Variants in ROBO2 observed in about 807,000 individuals in gnomAD.
ROBO2 encodes the protein roundabout guidance receptor 2.
ROBO2 carries 53 observed loss-of-function variants against 160.8 expected under a neutral mutation model. The ratio of observed to expected loss-of-function variants is 0.33; its 90% CI spans 0.26 to 0.41. The LOEUF (loss-of-function observed/expected upper bound fraction) is 0.41, where lower values mean the gene tolerates loss of function less well. ROBO2 is among the 10% of genes least tolerant of loss of function. The pLI, the probability that ROBO2 is intolerant of heterozygous loss-of-function variation, is 1.00. For missense variants in ROBO2, 1,577 were observed against 1,722.4 expected (o/e 0.92, Z 1.49); for synonymous variants, 664 against 611.7 (o/e 1.09, Z -1.26).
intron 2 of ROBO2, among the ~76,000 whole-genome samples, chr3:76,003,518 T>C (rs1010807988): frequency 6.6e-6 from 1 of 152,212 alleles, no homozygotes; most frequent in Non-Finnish European, 1.5e-5. Flanking sequence ...AAAAACAGTT[T>C]CCATATGTGC....
At chr3:77,455,020 TG>T (rs1175399624) in intron 2 of ROBO2, among the ~76,000 whole-genome samples, 1 of 152,210 alleles carries the variant, frequency 6.6e-6, no homozygotes, top group African/African-American at 2.4e-5. Context: ...AGTAGTTTGT[TG>T]TTGCTGATAT....
At chr3:76,459,374 A>G (rs993463960) in intron 2 of ROBO2, among the ~76,000 whole-genome samples, 2 of 152,212 alleles carry the variant, frequency 1.3e-5, no homozygotes, top group African/African-American at 4.8e-5. Context: ...TGAGTGGCAA[A>G]AAGAATTTAT....
rs139915516 is a variant in ROBO2, at chr3:76,485,633, T to G, written c.109+548031T>G. ...TTTGAGAAATAGGTGTCACCTGTTT[T>G]TTTCAGAGCAAAGGCTATACATCTC... On this transcript the variant is annotated intron_variant, in intron 2 of 26. Transcript: ENST00000487694. 1.2e-3 allele frequency among the ~76,000 whole-genome samples: 183 copies of G among 152,302 alleles called. 1 individual carries two copies. The highest frequency in any genetic ancestry group is 2.3e-3 in the Non-Finnish European group (156 of 68,028).
chr3:77,012,739 C>T (rs1352419036), intron 2 of ROBO2, among the ~76,000 whole-genome samples: 3 of 152,050 alleles, frequency 2.0e-5, no homozygotes, highest in African/African-American at 7.2e-5. Flanking sequence ...GTTGTCAGAC[C>T]CTGGCACAGA....
At chr3:77,010,876 TCCTC>T (rs1299856902) in intron 2 of ROBO2, among the ~76,000 whole-genome samples, 1 of 120,886 alleles carries the variant, frequency 8.3e-6, no homozygotes, top group African/African-American at 3.0e-5. Flanking sequence ...CTACCTTCCT[TCCTC>T]CCTCCCTCCC....
At chr3:76,921,582 A>G (rs1402739344) in intron 2 of ROBO2, among the ~76,000 whole-genome samples, 1 of 152,220 alleles carries the variant, frequency 6.6e-6, no homozygotes, top group Non-Finnish European at 1.5e-5. Flanking sequence ...ATTGCACTCC[A>G]GCCTGGGTGA....
intron 2 of ROBO2, among the ~76,000 whole-genome samples, chr3:77,160,264 A>G (rs1285568473): frequency 1.3e-5 from 2 of 152,194 alleles, no homozygotes; most frequent in African/African-American, 2.4e-5. Context: ...TACTTTACAT[A>G]TGGTAGCATT....
rs9823370 is a variant in ROBO2, at chr3:77,315,686, C to T, written c.389-161728C>T. Among the ~76,000 whole-genome samples the T allele has an allele frequency of 2.6e-3, 401 of 152,186 alleles. 1 individual carries two copies. The highest frequency in any genetic ancestry group is 9.2e-3 in the African/African-American group (382 of 41,526). The stretch of plus-strand genomic sequence containing the variant: ...TCCAATGTTTTTGCAAGTTTCTTGG[C>T]CTTCCCTACGTAATTGGCTACATGG... On this transcript the variant is annotated intron_variant, in intron 2 of 25. Transcript: ENST00000461745.
Position 76,722,645 on chromosome 3 carries a change from A to T in ROBO2, c.110-375369A>T, listed in dbSNP as rs116530614. On this transcript the variant is annotated intron_variant, in intron 2 of 26. Coordinates refer to the ROBO2 transcript ENST00000487694. ...CCTCAGGCTGGCCCCAGGGTCAATCACTAATCTACATTCTATCGCCACAGT... is the reference window on the plus strand; with the variant it reads ...CCTCAGGCTGGCCCCAGGGTCAATCTCTAATCTACATTCTATCGCCACAGT... Among the ~76,000 whole-genome samples, 1,501 of 152,266 alleles carry T rather than the reference A, an allele frequency of 9.9e-3. 30 individuals are homozygous for T. The highest frequency in any genetic ancestry group is 0.033 in the African/African-American group (1,383 of 41,546).
intron 2 of ROBO2, among the ~76,000 whole-genome samples, chr3:76,031,309 C>G (rs547250487): frequency 6.6e-6 from 1 of 152,144 alleles, no homozygotes; most frequent in Non-Finnish European, 1.5e-5. Flanking sequence ...CATATGCAAA[C>G]AGGGACAATT....
chr3:76,524,077 G>A (rs2081794658), intron 2 of ROBO2, among the ~76,000 whole-genome samples: 1 of 151,822 alleles, frequency 6.6e-6, no homozygotes, highest in Non-Finnish European at 1.5e-5. Flanking sequence ...CAAGTTTGAA[G>A]TCTTAATAAT....
At chr3:76,727,562 A>G (rs1353967924) in intron 2 of ROBO2, among the ~76,000 whole-genome samples, 1 of 151,912 alleles carries the variant, frequency 6.6e-6, no homozygotes, top group Non-Finnish European at 1.5e-5. Context: ...ATAGTCTTCA[A>G]CCATAAAAAA....
chr3:77,509,813 T>C (rs1217314622), intron 5 of ROBO2, among the ~76,000 whole-genome samples: 1 of 152,098 alleles, frequency 6.6e-6, no homozygotes, highest in Non-Finnish European at 1.5e-5. Flanking sequence ...TAGGTTCAAG[T>C]AACTGTACTA....
At chr3:77,274,802 T>G (rs1026111784) in intron 2 of ROBO2, among the ~76,000 whole-genome samples, 7 of 152,094 alleles carry the variant, frequency 4.6e-5, no homozygotes, top group African/African-American at 1.4e-4. Context: ...CATCATTTTG[T>G]GAGTGAATAA....
intron 2 of ROBO2, among the ~76,000 whole-genome samples, chr3:77,423,996 G>T (rs2077949801): frequency 6.6e-6 from 1 of 152,110 alleles, no homozygotes; most frequent in African/African-American, 2.4e-5. Context: ...AAATCTTGGA[G>T]AGTTTCTACT....
chr3:77,375,655 T>G (rs1005754477), intron 2 of ROBO2, among the ~76,000 whole-genome samples: 7 of 152,198 alleles, frequency 4.6e-5, no homozygotes, highest in African/African-American at 1.7e-4. Flanking sequence ...AAGAGTCATC[T>G]GGTATTAATG....
At chr3:76,003,852 T>C (rs1283230951) in intron 2 of ROBO2, among the ~76,000 whole-genome samples, 2 of 152,202 alleles carry the variant, frequency 1.3e-5, no homozygotes, top group Admixed American at 6.6e-5. Context: ...ACACCATTAG[T>C]CGTTAGGAAA....
intron 2 of ROBO2, among the ~76,000 whole-genome samples, chr3:76,425,185 G>T (rs920051334): frequency 6.6e-6 from 1 of 151,708 alleles, no homozygotes; most frequent in African/African-American, 2.4e-5. Flanking sequence ...GCCTAAAATA[G>T]GATTCTGCCT....
chr3:76,345,425 CT>C (rs147468126), intron 2 of ROBO2, among the ~76,000 whole-genome samples: 210 of 15,686 alleles, frequency 0.013, 3 homozygotes, highest in South Asian at 0.073. Flanking sequence ...GGCAGGATAT[CT>C]TTTTTCTTTT....
Sources: allele counts gnomAD v4.1 joint callset (sites outside exome capture counted in the v4.1 genomes callset), GRCh38; gene constraint gnomAD v4.1.1; transcripts MANE v1.5; gene names NCBI Gene and HGNC (gene_info 2026-07-23, HGNC 2026-07-21).